The following SHANK2 variants were observed in gnomAD, a reference collection of about 807,000 sequenced individuals.
SHANK2 encodes SH3 and multiple ankyrin repeat domains 2, also known as SH3 and multiple ankyrin repeat domains protein 2.
A neutral mutation model predicts 133.7 loss-of-function variants in SHANK2; 43 were observed. That is an observed-to-expected ratio of 0.32 (90% CI 0.25 to 0.41). The LOEUF is 0.41. Among genes scored for constraint, SHANK2 ranks in the 10% least tolerant of loss-of-function variants. The probability of loss-of-function intolerance (pLI) is 1.00; values close to 1 mark genes in which losing one functional copy is unlikely to be tolerated. For missense variants in SHANK2, 1,994 were observed against 2,235.8 expected (o/e 0.89, Z 2.18); for synonymous variants, 1,017 against 952.8 (o/e 1.07, Z -1.24).
intron 11 of SHANK2, chr11:70,872,406 AC>A (rs1311110547): frequency 6.5e-6 from 1 of 153,172 alleles, no homozygotes; most frequent in Non-Finnish European, 1.5e-5. Context: ...GGGGAAAAAA[AC>A]CCCACACGCA....
intron 15 of SHANK2, among the ~76,000 whole-genome samples, chr11:70,693,327 A>T (rs1272313450): frequency 6.6e-6 from 1 of 152,250 alleles, no homozygotes; most frequent in African/African-American, 2.4e-5. Flanking sequence ...TCTTTCTCTG[A>T]CATTACTGCC....
chr11:70,952,271 T>G (rs182543241), intron 10 of SHANK2, among the ~76,000 whole-genome samples: 6 of 152,266 alleles, frequency 3.9e-5, no homozygotes, highest in Non-Finnish European at 7.4e-5. Flanking sequence ...CCTCAGTAAA[T>G]GCAGACCCAA....
intron 14 of SHANK2, among the ~76,000 whole-genome samples, chr11:70,754,393 T>C (rs551441): frequency 0.059 from 8,916 of 152,204 alleles, 302 homozygotes; most frequent in East Asian, 0.093. Context: ...CATATATTAG[T>C]AGAAAGGGAA....
At chr11:70,685,889 A>C (rs1377650188) in intron 15 of SHANK2, among the ~76,000 whole-genome samples, 1 of 152,038 alleles carries the variant, frequency 6.6e-6, no homozygotes, top group Non-Finnish European at 1.5e-5. Flanking sequence ...ACACTGCCCA[A>C]CTTTGGTCCC....
At chr11:71,096,351 T>G (rs1951612207) in intron 6 of SHANK2, among the ~76,000 whole-genome samples, 1 of 152,190 alleles carries the variant, frequency 6.6e-6, no homozygotes, top group Non-Finnish European at 1.5e-5. Flanking sequence ...TGAGACCAGT[T>G]GGAACATGGC....
At chr11:70,918,043 TTA>T (rs1304823937) in intron 10 of SHANK2, among the ~76,000 whole-genome samples, 21 of 128,478 alleles carry the variant, frequency 1.6e-4, no homozygotes, top group African/African-American at 6.0e-4. Context: ...TTTTTTTTTT[TTA>T]AATAAGGCCA....
intron 11 of SHANK2, among the ~76,000 whole-genome samples, chr11:70,827,690 A>AACACACACACACAC (rs113156725): frequency 7.7e-6 from 1 of 130,456 alleles, no homozygotes; most frequent in Admixed American, 7.8e-5. Context: ...AGAAATTTAA[A>AACACACACACACAC]ACACACACAC....
chr11:70,525,389 G>A (rs2059382600), intron 17 of SHANK2, among the ~76,000 whole-genome samples: 1 of 152,154 alleles, frequency 6.6e-6, no homozygotes, highest in South Asian at 2.1e-4. Flanking sequence ...GTTAAGGACA[G>A]CAGCCCCTAA....
At chr11:71,173,529 C>T (rs782812698) in intron 2 of SHANK2, among the ~76,000 whole-genome samples, 2 of 152,228 alleles carry the variant, frequency 1.3e-5, no homozygotes, top group Non-Finnish European at 2.9e-5. Context: ...ATGTCCCCTT[C>T]GGAAACATTC....
intron 1 of SHANK2, among the ~76,000 whole-genome samples, chr11:71,228,479 TG>T (rs1954680878): frequency 6.6e-6 from 1 of 152,166 alleles, no homozygotes; most frequent in South Asian, 2.1e-4. Flanking sequence ...GATTACAGGC[TG>T]GGTATGGTGG....
chr11:70,575,196 G>T (rs868940122), intron 17 of SHANK2, among the ~76,000 whole-genome samples: 3 of 152,148 alleles, frequency 2.0e-5, no homozygotes, highest in Middle Eastern at 3.2e-3. Flanking sequence ...CAGAGGAATG[G>T]TCACCCAACG....
At chr11:71,176,015 G>A (rs1447855179) in intron 2 of SHANK2, among the ~76,000 whole-genome samples, 4 of 152,122 alleles carry the variant, frequency 2.6e-5, no homozygotes, top group Admixed American at 1.3e-4. Context: ...ACCTTAGGCC[G>A]GAGAAAGAAC....
chr11:70,476,522 CT>C (rs1555150153), intron 25 of SHANK2, among the ~76,000 whole-genome samples: 1 of 152,168 alleles, frequency 6.6e-6, no homozygotes, highest in Non-Finnish European at 1.5e-5. Flanking sequence ...TTGGGGAAGG[CT>C]TATTTGTCCA....
At chr11:70,836,461 T>A (rs3019838) in intron 11 of SHANK2, among the ~76,000 whole-genome samples, 1 of 151,894 alleles carries the variant, frequency 6.6e-6, no homozygotes, top group Non-Finnish European at 1.5e-5. Context: ...GTGCCAGGTA[T>A]GGAGGGAAAG....
At chr11:71,060,492 G>T (rs1010799783) in intron 9 of SHANK2, among the ~76,000 whole-genome samples, 7 of 152,252 alleles carry the variant, frequency 4.6e-5, no homozygotes, top group Non-Finnish European at 7.3e-5. Flanking sequence ...GCTATTCAGG[G>T]TCTCGTCCCT....
intron 9 of SHANK2, among the ~76,000 whole-genome samples, chr11:71,069,720 T>A (rs998296340): frequency 6.6e-6 from 1 of 152,180 alleles, no homozygotes; most frequent in African/African-American, 2.4e-5. Flanking sequence ...GGCAAGGCAA[T>A]GGGCTAGTCC....
At position 70,502,327 on chromosome 11, in the gene SHANK2, T is replaced by A. The variant is rs536460132; in HGVS notation, c.2198-41A>T. The stretch of plus-strand genomic sequence containing the variant: ...GAGATGGGTGTGAGACCCCAGCCCA[T>A]GTTTCCAGATATGGGAATAAGGCTA... On this transcript the variant is annotated intron_variant, in intron 18 of 25. Transcript: ENST00000601538. The A allele has an allele frequency of 5.5e-5, 85 of 1,531,588 alleles. No individual in the cohort carries two copies. In the South Asian group the frequency reaches 9.2e-4, roughly 17 times the overall value. 94.9% of individuals were successfully genotyped at this position (1,531,588 alleles called of 1,614,324 possible).
rs782479830 is a variant in SHANK2, at chr11:70,473,456, G to A, written c.4980-17C>T. 6.2e-7 allele frequency: 1 copy of A among 1,600,416 alleles called. No individual in the cohort carries two copies. The highest frequency in any genetic ancestry group is 2.2e-5 in the East Asian group (1 of 44,860). On this transcript the variant is annotated splice_polypyrimidine_tract_variant and intron_variant, in intron 25 of 25. Coordinates refer to ENST00000601538, the MANE Select transcript of SHANK2 (RefSeq NM_012309.5). The surrounding 1 kb of genome is among the most constrained non-coding windows in gnomAD (Gnocchi z 5.9). ...TCCGGGCTTCTGAAACAGCAACACA[G>A]AGAAAACCATCACAAGGCAGGTCAC...
intron 11 of SHANK2, among the ~76,000 whole-genome samples, chr11:70,826,281 C>A (rs114233235): frequency 2.6e-5 from 4 of 152,290 alleles, no homozygotes; most frequent in Non-Finnish European, 5.9e-5. Flanking sequence ...GACCTTCCAC[C>A]GCGTTATATT....
Sources: gnomAD v4.1 joint callset for allele counts (sites outside exome capture counted in the v4.1 genomes callset) on GRCh38, gnomAD v4.1.1 for gene constraint, Gnocchi (gnomAD v3.1) non-coding constraint, MANE v1.5 for transcripts, NCBI Gene and HGNC (gene_info 2026-07-23, HGNC 2026-07-21) for gene names.